The following SLC25A21 variants were observed in gnomAD, a reference collection of about 807,000 sequenced individuals.
SLC25A21 encodes the protein mitochondrial 2-oxodicarboxylate carrier.
SLC25A21 carries 47 observed loss-of-function variants against 43.8 expected under a neutral mutation model. That is an observed-to-expected ratio of 1.07 (90% confidence interval 0.85 to 1.37). The LOEUF is 1.37. Among genes scored for constraint, SLC25A21 ranks in the 40% most tolerant of loss-of-function variants. SLC25A21 has a pLI of 0.00. For synonymous variants in SLC25A21, 131 were observed against 121.3 expected (o/e 1.08, Z -0.52); for missense variants, 352 against 350.2 (o/e 1.00, Z -0.04).
chr14:37,142,121 G>A (rs985883064), intron 1 of SLC25A21, among the ~76,000 whole-genome samples: 2 of 152,122 alleles, frequency 1.3e-5, no homozygotes, highest in Admixed American at 6.5e-5. Flanking sequence ...GCTTAATTGT[G>A]CCAAACAGCA....
At chr14:37,075,287 C>T (rs1169184686) in intron 1 of SLC25A21, among the ~76,000 whole-genome samples, 4 of 152,020 alleles carry the variant, frequency 2.6e-5, no homozygotes, top group Non-Finnish European at 5.9e-5. Context: ...CTAGATTTTA[C>T]TGGAAGCTAT....
intron 6 of SLC25A21, among the ~76,000 whole-genome samples, chr14:36,723,167 C>T (rs1243029796): frequency 6.6e-6 from 1 of 152,164 alleles, no homozygotes; most frequent in Non-Finnish European, 1.5e-5. Context: ...CAAAAATGAC[C>T]AGCAATATCC....
At chr14:37,056,005 T>C (rs1396460655) in intron 1 of SLC25A21, among the ~76,000 whole-genome samples, 1 of 152,060 alleles carries the variant, frequency 6.6e-6, no homozygotes, top group Non-Finnish European at 1.5e-5. Context: ...TAGTGCAGTC[T>C]CATGATAGAG....
intron 1 of SLC25A21, among the ~76,000 whole-genome samples, chr14:37,151,294 T>C (rs1963755010): frequency 6.6e-6 from 1 of 152,318 alleles, no homozygotes; most frequent in East Asian, 1.9e-4. Flanking sequence ...TTATTAGTTG[T>C]GTGCGAATTC....
intron 1 of SLC25A21, among the ~76,000 whole-genome samples, chr14:36,982,820 A>AAAC (rs985558222): frequency 2.2e-5 from 3 of 138,566 alleles, no homozygotes; most frequent in African/African-American, 3.2e-5. Context: ...TCTCAACAAA[A>AAAC]AACAACAACA....
At chr14:36,765,046 T>C (rs1416859639) in intron 3 of SLC25A21, among the ~76,000 whole-genome samples, 1 of 152,228 alleles carries the variant, frequency 6.6e-6, no homozygotes, top group Non-Finnish European at 1.5e-5. Context: ...CTCTGTGATT[T>C]CCTTGACCAA....
At chr14:36,762,722 T>A (rs1017469906) in intron 3 of SLC25A21, among the ~76,000 whole-genome samples, 10 of 152,180 alleles carry the variant, frequency 6.6e-5, no homozygotes, top group African/African-American at 2.4e-4. Flanking sequence ...AGTGCCTTCA[T>A]CTGTTAAATG....
intron 1 of SLC25A21, among the ~76,000 whole-genome samples, chr14:36,973,163 G>C (rs1959791349): frequency 6.6e-6 from 1 of 151,976 alleles, no homozygotes; most frequent in Admixed American, 6.6e-5. Flanking sequence ...AAAGGATTTA[G>C]GGCAGAAATA....
chr14:36,800,897 T>C (rs1056574138), intron 3 of SLC25A21, among the ~76,000 whole-genome samples: 5 of 152,198 alleles, frequency 3.3e-5, no homozygotes, highest in Non-Finnish European at 7.3e-5. Flanking sequence ...TAGAGGACAC[T>C]GTGCATAAAC....
At chr14:36,850,178 G>A (rs1889679925) in intron 2 of SLC25A21, among the ~76,000 whole-genome samples, 1 of 152,096 alleles carries the variant, frequency 6.6e-6, no homozygotes, top group Non-Finnish European at 1.5e-5. Context: ...AGGGGAAGGA[G>A]TGAGGTAGAG....
intron 1 of SLC25A21, among the ~76,000 whole-genome samples, chr14:36,888,068 G>A (rs1890973240): frequency 1.3e-5 from 2 of 152,102 alleles, no homozygotes; most frequent in South Asian, 4.1e-4. Context: ...GCTGGCAAAT[G>A]CTATAAATCA....
At chr14:37,047,151 TG>T (rs1482877502) in intron 1 of SLC25A21, among the ~76,000 whole-genome samples, 1 of 152,090 alleles carries the variant, frequency 6.6e-6, no homozygotes, top group Admixed American at 6.5e-5. Context: ...TGGAGAGACA[TG>T]GGGCTAAGGA....
chr14:37,070,235 A>G (rs1962143592), intron 1 of SLC25A21, among the ~76,000 whole-genome samples: 2 of 152,076 alleles, frequency 1.3e-5, no homozygotes, highest in African/African-American at 2.4e-5. Context: ...ATGACAGAGG[A>G]AGAGGTCTGA....
chr14:37,164,488 G>A (rs1963999421), intron 1 of SLC25A21, among the ~76,000 whole-genome samples: 1 of 151,958 alleles, frequency 6.6e-6, no homozygotes, highest in Non-Finnish European at 1.5e-5. Context: ...ATTTCCAAAG[G>A]TGCCATTTAT....
rs552791572 is a variant in SLC25A21, at chr14:36,968,495, C to A, written c.71-93491G>T. Among the ~76,000 whole-genome samples, 51 of 152,296 alleles carry A rather than the reference C, an allele frequency of 3.3e-4. 1 individual carries two copies. The South Asian group carries it at 0.01, about 30-fold the overall frequency. On this transcript the variant is annotated intron_variant, in intron 1 of 9. Transcript: ENST00000331299. ...AAGCCACCTCCATGGAACAGGAAGT[C>A]TTTTCTCTTTTCAGAGCATCATCCA...
At chr14:36,899,848 C>T (rs1891353248) in intron 1 of SLC25A21, among the ~76,000 whole-genome samples, 1 of 152,110 alleles carries the variant, frequency 6.6e-6, no homozygotes, top group South Asian at 2.1e-4. Flanking sequence ...ATGGTGTTTT[C>T]TGGGGTGAAC....
At chr14:37,130,657 G>C (rs1963377167) in intron 1 of SLC25A21, among the ~76,000 whole-genome samples, 1 of 152,210 alleles carries the variant, frequency 6.6e-6, no homozygotes, top group Admixed American at 6.5e-5. Context: ...GCAGTGCATG[G>C]CTCTTTGAGA....
At chr14:36,935,406 A>G (rs570447931) in intron 1 of SLC25A21, among the ~76,000 whole-genome samples, 1 of 152,260 alleles carries the variant, frequency 6.6e-6, no homozygotes, top group Admixed American at 6.5e-5. Context: ...CTTTGAAGGA[A>G]TTCTCCCCCA....
chr14:36,863,150 G>C (rs1401395802), intron 2 of SLC25A21, among the ~76,000 whole-genome samples: 1 of 152,072 alleles, frequency 6.6e-6, no homozygotes. Flanking sequence ...GCTTAAAAAA[G>C]AGAAAAAATG....
Sources: allele counts gnomAD v4.1 joint callset (sites outside exome capture counted in the v4.1 genomes callset), GRCh38; gene constraint gnomAD v4.1.1; transcripts MANE v1.5; gene names NCBI Gene and HGNC (gene_info 2026-07-23, HGNC 2026-07-21).